The following PRKDC variants were observed in gnomAD, a reference collection of about 807,000 sequenced individuals.
PRKDC encodes protein kinase, DNA-activated, catalytic subunit, also known as DNA-dependent protein kinase catalytic subunit.
PRKDC carries 82 observed loss-of-function variants against 486.9 expected under a neutral mutation model. The ratio of observed to expected loss-of-function variants is 0.17; its 90% CI spans 0.14 to 0.20. PRKDC has a LOEUF of 0.20. Ranked by LOEUF, PRKDC falls within the 10% of genes least tolerant of loss-of-function variation. The probability of loss-of-function intolerance (pLI) is 1.00; values close to 1 mark genes in which losing one functional copy is unlikely to be tolerated. For missense variants in PRKDC, 4,504 were observed against 5,038.2 expected, an observed-to-expected ratio of 0.89 and a Z score of 3.21; for synonymous variants, 1,895 against 1,837.0, an observed-to-expected ratio of 1.03 and a Z score of -0.81.
At chr8:47,950,254 A>C (rs2090605252) in intron 7 of PRKDC, among the ~76,000 whole-genome samples, 1 of 151,324 alleles carries the variant, frequency 6.6e-6, no homozygotes, top group Non-Finnish European at 1.5e-5. Flanking sequence ...GCTGGGTGAC[A>C]AGAGTGAAAC....
intron 85 of PRKDC, among the ~76,000 whole-genome samples, chr8:47,775,633 C>T (rs1002256195): frequency 6.6e-5 from 10 of 151,964 alleles, no homozygotes; most frequent in Non-Finnish European, 1.5e-4. Context: ...AGATACATGA[C>T]TTGCAAATAT....
chr8:47,839,520 C>T (rs913836084), intron 55 of PRKDC, among the ~76,000 whole-genome samples: 1 of 152,126 alleles, frequency 6.6e-6, no homozygotes. Context: ...TGGTAGTGCC[C>T]GGTGGTCCTG....
intron 64 of PRKDC, among the ~76,000 whole-genome samples, chr8:47,822,484 G>C (rs746662167): frequency 6.6e-6 from 1 of 152,132 alleles, no homozygotes. Context: ...GAAAATTGCA[G>C]AGGATTTTAA....
At chr8:47,907,411 T>TACACAC (rs746467406) in intron 25 of PRKDC, among the ~76,000 whole-genome samples, 56 of 148,938 alleles carry the variant, frequency 3.8e-4, no homozygotes, top group African/African-American at 1.1e-3. Context: ...TATATATATA[T>TACACAC]ACACACACAC....
intron 28 of PRKDC, 123 bp downstream of exon 28, chr8:47,900,250 T>C: frequency 1.8e-6 from 1 of 553,752 alleles, no homozygotes; most frequent in Non-Finnish European, 2.8e-6. Flanking sequence ...CTCTTCACAT[T>C]TATTAATTTA....
intron 40 of PRKDC, 105 bp downstream of exon 40, chr8:47,877,619 C>A: frequency 3.4e-6 from 4 of 1,179,632 alleles, no homozygotes; most frequent in Non-Finnish European, 4.5e-6. Context: ...AGTTTAGTAG[C>A]AAGAATATAA....
intron 30 of PRKDC, among the ~76,000 whole-genome samples, chr8:47,896,034 G>A (rs1387267658): frequency 3.9e-5 from 6 of 152,072 alleles, no homozygotes; most frequent in Non-Finnish European, 4.4e-5. Flanking sequence ...GCAAGACTCT[G>A]TCTCGGGGGA....
At chr8:47,919,224 C>A (rs1269936307) in intron 21 of PRKDC, among the ~76,000 whole-genome samples, 1 of 152,146 alleles carries the variant, frequency 6.6e-6, no homozygotes, top group African/African-American at 2.4e-5. Context: ...CTTAGTTGAC[C>A]TATCTCTTTA....
At chr8:47,834,137 G>C (rs2087951395) in intron 59 of PRKDC, 59 bp downstream of exon 59, 3 of 1,584,646 alleles carry the variant, frequency 1.9e-6, no homozygotes, top group Non-Finnish European at 2.6e-6. Context: ...CCCCAGACCT[G>C]AGCTCTGCAG....
In PRKDC at chr8:47,930,787, T is replaced by C; in HGVS notation, c.1777A>G (p.Asn593Asp). The change falls in exon 17 of 86, where the codon AAT (asparagine) becomes GAT (aspartate). Residue 593 changes from asparagine to aspartate, a missense_variant and splice_region_variant. Physicochemically the swap from Asn to Asp is conservative, Grantham distance 23. This residue lies in a region of PRKDC where 1,969 missense variants were observed against 2,068.9 expected (regional missense o/e 0.95). Transcript: ENST00000314191. ...LEIQTVGEQE[N>D]GDEAPGVWMI... ...CAAACACCAGGCGCCTCATCTCCAT[T>C]CTTAAAGAGTAATTGTAGCAAAGAA... 6.4e-7 allele frequency: 1 copy of C among 1,563,800 alleles called. No individual in the cohort carries two copies. Among genetic ancestry groups the C allele is most frequent in the Non-Finnish European group, 8.6e-7 (1 of 1,156,624 alleles).
intron 4 of PRKDC, among the ~76,000 whole-genome samples, chr8:47,955,475 AAAAAAAAAAAAAG>A (rs2090686767): frequency 6.6e-6 from 1 of 150,714 alleles, no homozygotes; most frequent in South Asian, 2.1e-4. Context: ...AAAAAAAAAA[AAAAAAAAAAAAAG>A]AAAACATATG....
intron 76 of PRKDC, among the ~76,000 whole-genome samples, chr8:47,787,537 A>G (rs1365768049): frequency 2.0e-5 from 3 of 152,216 alleles, no homozygotes; most frequent in Non-Finnish European, 2.9e-5. Flanking sequence ...TACAAGGTGG[A>G]AAAGTTCTGG....
In PRKDC at chr8:47,860,893, T is replaced by C; in HGVS notation, c.6058+6A>G. ...ATCCTTTCTCATGATTTTGAAAACATCCTACCTGAATCCCCATTTGCTGCT... is the reference window on the plus strand; with the variant it reads ...ATCCTTTCTCATGATTTTGAAAACACCCTACCTGAATCCCCATTTGCTGCT... On this transcript the variant is annotated splice_donor_region_variant and intron_variant, in intron 45 of 85. Coordinates refer to ENST00000314191, the MANE Select transcript of PRKDC (RefSeq NM_006904.7). The C allele has an allele frequency of 6.2e-7, 1 of 1,601,104 alleles. No homozygotes were observed. Among genetic ancestry groups the C allele is most frequent in the Non-Finnish European group, 8.5e-7 (1 of 1,172,832 alleles).
At chr8:47,929,070 A>T in intron 19 of PRKDC, 22 bp downstream of exon 19, 1 of 1,432,392 alleles carries the variant, frequency 7.0e-7, no homozygotes, top group Non-Finnish European at 9.6e-7. Flanking sequence ...GATAACACTA[A>T]GATAAATCAT....
intron 76 of PRKDC, 128 bp from the exon 77 acceptor site, chr8:47,785,445 T>A: frequency 1.2e-6 from 1 of 814,544 alleles, no homozygotes; most frequent in Non-Finnish European, 1.9e-6. Context: ...TTAAGATGTA[T>A]AGTTTTGGTT....
At chr8:47,845,414 A>G (rs1042957765) in intron 54 of PRKDC, among the ~76,000 whole-genome samples, 7 of 152,344 alleles carry the variant, frequency 4.6e-5, no homozygotes, top group African/African-American at 1.7e-4. Flanking sequence ...ACAGAGACAG[A>G]CAGACAGAAG....
rs1280312285 is a variant in PRKDC, at chr8:47,821,604, C to G, written c.9111G>C (p.Gln3037His). Reference protein sequence around the residue: ...LNKIWSEPFYQETYLPYMIRS... With the variant: ...LNKIWSEPFYHETYLPYMIRS... ...AATCACTTAAAATAATTTTACCCAC[C>G]TGATAAAATGGTTCACTCCAGATTT... The change falls in exon 65 of 86, where the codon CAG (glutamine) becomes CAC (histidine). Residue 3037 changes from glutamine (Q) to histidine (H), a missense_variant and splice_region_variant. Around this residue, in one of 6 missense-constraint regions of PRKDC, gnomAD observed 1,592 missense variants for 1,724.6 expected, o/e 0.92. Coordinates refer to ENST00000314191, the MANE Select transcript of PRKDC (RefSeq NM_006904.7). 14 of 1,588,920 alleles carry G rather than the reference C, an allele frequency of 8.8e-6. No individual in the cohort carries two copies. The highest frequency in any genetic ancestry group is 1.2e-5 in the Non-Finnish European group (14 of 1,165,280).
At chr8:47,940,581 CCTT>C (rs1273345866) in intron 10 of PRKDC, among the ~76,000 whole-genome samples, 12 of 152,204 alleles carry the variant, frequency 7.9e-5, no homozygotes, top group Admixed American at 3.9e-4. Flanking sequence ...TTCATAATTT[CCTT>C]CTTCACAAAA....
intron 31 of PRKDC, among the ~76,000 whole-genome samples, chr8:47,892,402 C>T (rs1024062303): frequency 7.2e-5 from 11 of 152,152 alleles, no homozygotes; most frequent in African/African-American, 2.7e-4. Flanking sequence ...ACAATCACGG[C>T]TCACTGTAGC....
Sources: allele counts gnomAD v4.1 joint callset (sites outside exome capture counted in the v4.1 genomes callset), GRCh38; gene constraint gnomAD v4.1.1; regional missense constraint gnomAD v4.1.1; transcripts MANE v1.5; gene names NCBI Gene and HGNC (gene_info 2026-07-23, HGNC 2026-07-21).